Variants in DLG2 observed in about 807,000 individuals in gnomAD.
DLG2 encodes the protein discs large MAGUK scaffold protein 2.
Under a neutral mutation model 132.5 loss-of-function variants are expected in DLG2, and 45 were observed. The ratio of observed to expected loss-of-function variants is 0.34; its 90% confidence interval spans 0.27 to 0.44. DLG2 has a LOEUF of 0.44. Among genes scored for constraint, DLG2 ranks in the 20% least tolerant of loss-of-function variants. The probability of loss-of-function intolerance (pLI) is 1.00; values close to 1 mark genes in which losing one functional copy is unlikely to be tolerated. For missense variants in DLG2, 1,045 were observed against 1,196.9 expected (o/e 0.87, Z 1.87); for synonymous variants, 424 against 419.6 (o/e 1.01, Z -0.13).
rs776520040 is a variant in DLG2 at position 84,624,857 on chromosome 11, C to CTTTTT, written c.358-90131_358-90127dup. On this transcript the variant is annotated intron_variant, in intron 6 of 27. Transcript: ENST00000376104. The stretch of plus-strand genomic sequence containing the variant: ...AGTTACCTCTCAGAAGAGAGTCAAC[C>CTTTTT]TTTTTTTTTTTTTTTTTTGAGACGG... 4.3e-4 allele frequency among the ~76,000 whole-genome samples: 33 copies of CTTTTT among 76,178 alleles called. 6 individuals are homozygous for CTTTTT. The highest frequency in any genetic ancestry group is 4.1e-3 in the South Asian group (7 of 1,702). The allele number at this position is 76,178 out of a possible 152,430, so 50.0% of individuals were successfully genotyped here. A position where few individuals can be genotyped will look rare whatever the true frequency, so the allele number is the denominator to read the frequency against.
intron 3 of DLG2, among the ~76,000 whole-genome samples, chr11:85,360,014 C>A (rs1447761649): frequency 6.6e-6 from 1 of 152,142 alleles, no homozygotes; most frequent in Non-Finnish European, 1.5e-5. Context: ...TCAGCTCACA[C>A]ACCCTGCATA....
intron 6 of DLG2, among the ~76,000 whole-genome samples, chr11:84,811,666 G>C (rs377276376): frequency 6.6e-6 from 1 of 152,194 alleles, no homozygotes. Flanking sequence ...ATTATATGTA[G>C]CTATATGACT....
rs1482730486 is a variant in DLG2, at chr11:85,111,739, C to A, written c.283-4G>T. Reference sequence around the variant, plus strand: ...CTGGGCATCTGCCTTGGTTTTGCTGCAAATAAGTAAAAATTATATTATATT... The same window carrying A: ...CTGGGCATCTGCCTTGGTTTTGCTGAAAATAAGTAAAAATTATATTATATT... On this transcript the variant is annotated splice_region_variant and splice_polypyrimidine_tract_variant and intron_variant, in intron 5 of 27. Coordinates refer to ENST00000376104, the MANE Select transcript of DLG2 (RefSeq NM_001142699.3). 4 of 1,551,186 alleles carry A rather than the reference C, an allele frequency of 2.6e-6. No homozygotes were observed. Among genetic ancestry groups the A allele is most frequent in the Non-Finnish European group, 3.5e-6 (4 of 1,146,644 alleles).
intron 11 of DLG2, among the ~76,000 whole-genome samples, chr11:84,019,623 G>A (rs987660612): frequency 1.3e-5 from 2 of 152,136 alleles, no homozygotes; most frequent in Non-Finnish European, 2.9e-5. Flanking sequence ...TTAAGATGAA[G>A]TTATTAGAGT....
At chr11:84,728,332 C>A (rs1425101509) in intron 6 of DLG2, among the ~76,000 whole-genome samples, 1 of 152,088 alleles carries the variant, frequency 6.6e-6, no homozygotes, top group Non-Finnish European at 1.5e-5. Flanking sequence ...GTCTTTTCTG[C>A]ATCTATTGAG....
At chr11:84,748,655 T>G (rs1597242445) in intron 6 of DLG2, among the ~76,000 whole-genome samples, 2 of 152,200 alleles carry the variant, frequency 1.3e-5, no homozygotes, top group African/African-American at 4.8e-5. Flanking sequence ...CCTTTATTGC[T>G]GAGAGATGAG....
At chr11:83,626,216 T>A (rs2062495768) in intron 19 of DLG2, among the ~76,000 whole-genome samples, 1 of 152,206 alleles carries the variant, frequency 6.6e-6, no homozygotes, top group South Asian at 2.1e-4. Flanking sequence ...CAAATTTCAC[T>A]TCAGGGAGTC....
intron 15 of DLG2, among the ~76,000 whole-genome samples, chr11:83,924,330 A>T (rs969873904): frequency 2.6e-5 from 4 of 152,156 alleles, no homozygotes; most frequent in Non-Finnish European, 4.4e-5. Context: ...GCCAAAGATA[A>T]GTTTTAGTAT....
rs557988217 is a variant in DLG2 at position 84,673,284 on chromosome 11, G to A, written c.358-138553C>T. Among the ~76,000 whole-genome samples, 27 of 152,126 alleles carry A rather than the reference G, an allele frequency of 1.8e-4. 2 individuals carry two copies. Among genetic ancestry groups the A allele is most frequent in the African/African-American group, 5.1e-4 (21 of 41,522 alleles). On this transcript the variant is annotated intron_variant, in intron 6 of 27. Transcript: ENST00000376104. ...ATAAGAGAGAAATAAATATTGCTAGGCTGCTATTATTTGAGGTTTAAATTA... is the reference window on the plus strand; with the variant it reads ...ATAAGAGAGAAATAAATATTGCTAGACTGCTATTATTTGAGGTTTAAATTA...
chr11:84,920,985 G>A (rs979752855), intron 6 of DLG2, among the ~76,000 whole-genome samples: 6 of 152,070 alleles, frequency 3.9e-5, no homozygotes, highest in Non-Finnish European at 7.4e-5. Context: ...GTTAAATCAT[G>A]TTAAAACATG....
chr11:83,554,141 C>T (rs1034322135), intron 19 of DLG2, among the ~76,000 whole-genome samples: 1 of 152,030 alleles, frequency 6.6e-6, no homozygotes, highest in African/African-American at 2.4e-5. Flanking sequence ...GCCTTGGTCT[C>T]CCAAAGTGCT....
chr11:85,180,898 C>A (rs78474221), intron 4 of DLG2, among the ~76,000 whole-genome samples: 2,930 of 151,844 alleles, frequency 0.019, 56 homozygotes, highest in Admixed American at 0.037. Context: ...CCCAAAATTA[C>A]ACAGCTACCA....
intron 3 of DLG2, among the ~76,000 whole-genome samples, chr11:85,449,983 C>T (rs963201417): frequency 6.6e-6 from 1 of 151,870 alleles, no homozygotes; most frequent in Admixed American, 6.6e-5. Context: ...CAAAATTAGC[C>T]GGGCATGATG....
At position 85,559,817 on chromosome 11, in the gene DLG2, T is replaced by TAGA. The variant is rs1565685230; in HGVS notation, c.40+38839_40+38840insTCT. ...AGATAGATGGTGATTAGTTAGATGATTGATAGATAGATAGATAGATAGATA... is the reference window on the plus strand; with the variant it reads ...AGATAGATGGTGATTAGTTAGATGATAGATGATAGATAGATAGATAGATAGATA... On this transcript the variant is annotated intron_variant, in intron 3 of 27. Transcript: ENST00000376104. Among the ~76,000 whole-genome samples, 18 of 118,242 alleles carry TAGA rather than the reference T, an allele frequency of 1.5e-4. 1 individual carries two copies. The highest frequency in any genetic ancestry group is 1.4e-3 in the South Asian group (5 of 3,676). The allele number at this position is 118,242 out of a possible 152,430, so 77.6% of individuals were successfully genotyped here.
At chr11:84,885,121 T>G (rs1325220943) in intron 6 of DLG2, among the ~76,000 whole-genome samples, 1 of 152,098 alleles carries the variant, frequency 6.6e-6, no homozygotes, top group Non-Finnish European at 1.5e-5. Context: ...ACAAGAAGGT[T>G]GAGGACTACT....
intron 17 of DLG2, among the ~76,000 whole-genome samples, chr11:83,808,975 C>G (rs78432419): frequency 1.3e-5 from 2 of 151,908 alleles, no homozygotes; most frequent in Non-Finnish European, 2.9e-5. Flanking sequence ...TGGGCTGTGT[C>G]TATTTCCTCC....
intron 6 of DLG2, among the ~76,000 whole-genome samples, chr11:85,060,623 A>G (rs2064003297): frequency 6.6e-6 from 1 of 151,728 alleles, no homozygotes; most frequent in Non-Finnish European, 1.5e-5. Flanking sequence ...TATTGTGAAT[A>G]ATGCTGCATT....
intron 4 of DLG2, among the ~76,000 whole-genome samples, chr11:85,166,496 C>T (rs949906579): frequency 2.0e-5 from 3 of 152,002 alleles, no homozygotes; most frequent in Non-Finnish European, 4.4e-5. Context: ...ATTTATGACT[C>T]CCTCCTCCAC....
At chr11:83,587,826 T>G (rs1284509183) in intron 19 of DLG2, among the ~76,000 whole-genome samples, 2 of 152,162 alleles carry the variant, frequency 1.3e-5, no homozygotes. Flanking sequence ...TTGCCTCACT[T>G]GGGAAGTGCA....
Sources: allele counts gnomAD v4.1 joint callset (sites outside exome capture counted in the v4.1 genomes callset), GRCh38; gene constraint gnomAD v4.1.1; transcripts MANE v1.5; gene names NCBI Gene and HGNC (gene_info 2026-07-23, HGNC 2026-07-21).